Variants in MAPKAP1 observed in about 807,000 individuals in gnomAD.
The protein encoded by MAPKAP1 is MAPK associated protein 1, also known as target of rapamycin complex 2 subunit MAPKAP1.
A neutral mutation model predicts 65.7 loss-of-function variants in MAPKAP1; 20 were observed. That is an observed-to-expected ratio of 0.30 (90% CI 0.21 to 0.44). The LOEUF (loss-of-function observed/expected upper bound fraction) is 0.44, where lower values mean the gene tolerates loss of function less well. MAPKAP1 is among the 20% of genes least tolerant of loss of function. The pLI is 1.00. For synonymous variants in MAPKAP1, 222 were observed against 244.3 expected, an observed-to-expected ratio of 0.91 and a Z score of 0.85; for missense variants, 423 against 648.0, an observed-to-expected ratio of 0.65 and a Z score of 3.77.
rs139271994 is a variant in MAPKAP1, at chr9:125,630,297, T to C, written c.498+27354A>G. On this transcript the variant is annotated intron_variant, in intron 4 of 11. Transcript: ENST00000265960. ...CGTGCCACCACACCTGGCTAATTTC[T>C]TTTTTTTTTCTTTTTGCAGACACAG... is the stretch of plus-strand genomic sequence containing the variant. Among the ~76,000 whole-genome samples, 135 of 149,340 alleles carry C rather than the reference T, an allele frequency of 9.0e-4. 2 individuals carry two copies. Among genetic ancestry groups the C allele is most frequent in the Middle Eastern group, 6.8e-3 (2 of 292 alleles).
At chr9:125,479,454 C>T (rs1289643555) in intron 9 of MAPKAP1, among the ~76,000 whole-genome samples, 1 of 152,080 alleles carries the variant, frequency 6.6e-6, no homozygotes, top group Non-Finnish European at 1.5e-5. Flanking sequence ...GTGGTGCATG[C>T]CTATAATCCC....
intron 1 of MAPKAP1, among the ~76,000 whole-genome samples, chr9:125,690,787 A>G (rs554411879): frequency 1.3e-5 from 2 of 152,346 alleles, no homozygotes; most frequent in South Asian, 4.1e-4. Context: ...GCAGAACAAC[A>G]TGTATTTAGT....
chr9:125,668,909 C>A (rs904472593), intron 3 of MAPKAP1, among the ~76,000 whole-genome samples: 1 of 152,190 alleles, frequency 6.6e-6, no homozygotes, highest in African/African-American at 2.4e-5. Flanking sequence ...AGGGGCTGGG[C>A]GCAGTGGCTC....
chr9:125,637,432 T>A (rs898642135), intron 4 of MAPKAP1, among the ~76,000 whole-genome samples: 35 of 152,092 alleles, frequency 2.3e-4, no homozygotes, highest in African/African-American at 8.0e-4. Flanking sequence ...GGGCCAGATG[T>A]ATGAAAAAAT....
At chr9:125,704,471 GCA>G (rs1475809144) in intron 1 of MAPKAP1, among the ~76,000 whole-genome samples, 1 of 152,104 alleles carries the variant, frequency 6.6e-6, no homozygotes, top group Non-Finnish European at 1.5e-5. Flanking sequence ...TGGTTCACCT[GCA>G]CACACACAGA....
intron 7 of MAPKAP1, among the ~76,000 whole-genome samples, chr9:125,528,451 CG>C (rs1364085063): frequency 2.6e-5 from 4 of 152,142 alleles, no homozygotes; most frequent in Non-Finnish European, 5.9e-5. Flanking sequence ...TGCGTGGAAA[CG>C]AGTGGAAAGA....
intron 7 of MAPKAP1, among the ~76,000 whole-genome samples, chr9:125,539,415 C>A (rs1295443471): frequency 6.6e-6 from 1 of 152,118 alleles, no homozygotes; most frequent in East Asian, 1.9e-4. Flanking sequence ...CTTAGCAAAC[C>A]CCACTTTGAT....
intron 10 of MAPKAP1, chr9:125,450,929 A>T (rs950063213): frequency 1.3e-5 from 2 of 152,294 alleles, no homozygotes; most frequent in African/African-American, 4.8e-5. Context: ...AGGGAGCTTC[A>T]GCTCAAGGTA....
At chr9:125,634,322 T>A (rs1401970151) in intron 4 of MAPKAP1, among the ~76,000 whole-genome samples, 1 of 152,198 alleles carries the variant, frequency 6.6e-6, no homozygotes, top group Non-Finnish European at 1.5e-5. Flanking sequence ...TCCAGACAGA[T>A]AAATATAATA....
intron 3 of MAPKAP1, among the ~76,000 whole-genome samples, chr9:125,664,724 C>CAAAAAAAT (rs1554839570): frequency 1.7e-5 from 1 of 59,930 alleles, no homozygotes; most frequent in Non-Finnish European, 3.2e-5. Flanking sequence ...GACTCACTCT[C>CAAAAAAAT]AAAAAAAAAA....
At chr9:125,671,804 C>G (rs1834505217) in intron 2 of MAPKAP1, among the ~76,000 whole-genome samples, 1 of 152,022 alleles carries the variant, frequency 6.6e-6, no homozygotes, top group Non-Finnish European at 1.5e-5. Context: ...AATCTCACAC[C>G]CTATGTATAG....
At chr9:125,633,155 G>GGA (rs1359615453) in intron 4 of MAPKAP1, among the ~76,000 whole-genome samples, 1 of 152,228 alleles carries the variant, frequency 6.6e-6, no homozygotes, top group African/African-American at 2.4e-5. Flanking sequence ...AGTTGCTGAA[G>GGA]GAGACTTCAT....
At chr9:125,464,893 C>T (rs1440574515) in intron 10 of MAPKAP1, among the ~76,000 whole-genome samples, 6 of 152,216 alleles carry the variant, frequency 3.9e-5, no homozygotes, top group African/African-American at 1.2e-4. Flanking sequence ...GGTTTGACAG[C>T]GGCTTTCTCA....
At chr9:125,533,034 A>G (rs1271605403) in intron 7 of MAPKAP1, among the ~76,000 whole-genome samples, 1 of 152,190 alleles carries the variant, frequency 6.6e-6, no homozygotes, top group African/African-American at 2.4e-5. Context: ...CAGGCAAACA[A>G]GTGAAGCTGT....
intron 7 of MAPKAP1, among the ~76,000 whole-genome samples, chr9:125,533,653 G>A (rs1289555558): frequency 6.6e-6 from 1 of 152,068 alleles, no homozygotes; most frequent in South Asian, 2.1e-4. Flanking sequence ...GTTTTGCCAC[G>A]TTGGCCAGGC....
rs151082833 is a variant in MAPKAP1, at chr9:125,639,655, G to C, written c.498+17996C>G. Among the ~76,000 whole-genome samples, 609 of 152,334 alleles carry C rather than the reference G, an allele frequency of 4.0e-3. 4 individuals carry two copies. The highest frequency in any genetic ancestry group is 0.024 in the Middle Eastern group (7 of 294). ...CTCTAAAGAGACGATTGTTGTGGAA[G>C]TACAGAGGAGGAGGCCACTCTCAGA... On this transcript the variant is annotated intron_variant, in intron 4 of 11. Transcript: ENST00000265960.
chr9:125,638,030 T>C (rs1324313585), intron 4 of MAPKAP1, among the ~76,000 whole-genome samples: 1 of 152,100 alleles, frequency 6.6e-6, no homozygotes, highest in Admixed American at 6.6e-5. Context: ...TCTTGGCCTC[T>C]TGAAGTGCTG....
At chr9:125,546,391 G>T (rs544669005) in intron 6 of MAPKAP1, among the ~76,000 whole-genome samples, 34 of 152,156 alleles carry the variant, frequency 2.2e-4, no homozygotes, top group Non-Finnish European at 4.4e-4. Context: ...CAGCGCTTTG[G>T]GGGGAGATGG....
intron 8 of MAPKAP1, among the ~76,000 whole-genome samples, chr9:125,492,899 G>A (rs1250260238): frequency 6.6e-6 from 1 of 152,180 alleles, no homozygotes; most frequent in African/African-American, 2.4e-5. Context: ...CCAGCCATAT[G>A]CCAGGTGCTG....
Sources: gnomAD v4.1 joint callset for allele counts (sites outside exome capture counted in the v4.1 genomes callset) on GRCh38, gnomAD v4.1.1 for gene constraint, MANE v1.5 for transcripts, NCBI Gene and HGNC (gene_info 2026-07-23, HGNC 2026-07-21) for gene names.